The following TDRKH variants were observed in gnomAD, a reference collection of about 807,000 sequenced individuals.
TDRKH encodes tudor and KH domain containing.
TDRKH carries 28 observed loss-of-function variants against 61.3 expected under a neutral mutation model. The observed-to-expected ratio is 0.46, with a 90% CI of 0.34 to 0.63. TDRKH has a LOEUF of 0.63. Ranked by LOEUF, TDRKH falls within the 20% of genes least tolerant of loss-of-function variation. The pLI is 0.01. For synonymous variants in TDRKH, 219 were observed against 244.4 expected (o/e 0.90, Z 0.97); for missense variants, 540 against 683.4 (o/e 0.79, Z 2.34).
At chr1:151,775,041 C>T in intron 11 of TDRKH, 24 bp downstream of exon 11, 2 of 1,610,994 alleles carry the variant, frequency 1.2e-6, no homozygotes, top group Non-Finnish European at 1.7e-6. Flanking sequence ...GGAAGCAGCA[C>T]CCTATATAAC....
downstream of TDRKH, among the ~76,000 whole-genome samples, chr1:151,768,970 T>C (rs9726736): frequency 6.6e-6 from 1 of 152,046 alleles, no homozygotes; most frequent in Admixed American, 6.5e-5. Context: ...TCAGAGAGCA[T>C]GGGGTTGGGG....
chr1:151,789,714 G>A (rs1350985305), intron 1 of TDRKH, among the ~76,000 whole-genome samples: 2 of 152,188 alleles, frequency 1.3e-5, no homozygotes, highest in South Asian at 4.1e-4. Flanking sequence ...TGAAAGCATA[G>A]ATAACTCATT....
intron 7 of TDRKH, 50 bp from the exon 8 acceptor site, chr1:151,776,318 C>T: frequency 6.2e-7 from 1 of 1,600,134 alleles, no homozygotes; most frequent in African/African-American, 1.3e-5. Flanking sequence ...GTGGTAGGCT[C>T]ATAAACAGAA....
At position 151,775,690 on chromosome 1, in the gene TDRKH, G is replaced by C. The variant is rs148328641; in HGVS notation, c.1282+130C>G. The C allele has an allele frequency of 3.4e-6, 5 of 1,482,798 alleles. No individual in the cohort carries two copies. In the African/African-American group the frequency reaches 4.2e-5, roughly 12 times the overall value. The allele number at this position is 1,482,798 out of a possible 1,614,324, so 91.9% of individuals were successfully genotyped here. A position where few individuals can be genotyped will look rare whatever the true frequency, so the allele number is the denominator to read the frequency against. On this transcript the variant is annotated intron_variant, in intron 9 of 12. Transcript: ENST00000368824. ...CCAGGCAAGTTTCTGGCTGCTGCTA[G>C]TGCTGGTGAGGAAAAGGCACCTGAG...
chr1:151,766,725 C>T (rs1648370667), downstream of TDRKH: 3 of 1,552,040 alleles, frequency 1.9e-6, no homozygotes, highest in Middle Eastern at 1.7e-4. Context: ...TGAAAAACTG[C>T]CTTGTAAGAG....
At chr1:151,772,412 G>A (rs1648764298), downstream of TDRKH, among the ~76,000 whole-genome samples, 1 of 152,072 alleles carries the variant, frequency 6.6e-6, no homozygotes, top group African/African-American at 2.4e-5. Flanking sequence ...ATTTTTCTGA[G>A]AAAATAAATT....
At chr1:151,788,467 C>A (rs537094754) in intron 1 of TDRKH, among the ~76,000 whole-genome samples, 1 of 152,014 alleles carries the variant, frequency 6.6e-6, no homozygotes, top group Non-Finnish European at 1.5e-5. Flanking sequence ...GCCCTGTGAA[C>A]AAGAATAAAC....
chr1:151,775,768 A>AT, intron 9 of TDRKH, 52 bp downstream of exon 9: 1 of 1,586,674 alleles, frequency 6.3e-7, no homozygotes, highest in Non-Finnish European at 8.6e-7. Flanking sequence ...AATGAACTGT[A>AT]TGAAGTTATT....
chr1:151,774,662 GAA>G (rs753527466), intron 12 of TDRKH, 46 bp downstream of exon 12: 1 of 1,606,812 alleles, frequency 6.2e-7, no homozygotes, highest in Admixed American at 1.7e-5. Flanking sequence ...GACTGAATGA[GAA>G]AAGTTAATCT....
chr1:151,768,035 G>T, downstream of TDRKH: 1 of 1,613,516 alleles, frequency 6.2e-7, no homozygotes, highest in Non-Finnish European at 8.5e-7. Context: ...AAGACTAGAG[G>T]AGCATTTTTA....
downstream of TDRKH, chr1:151,768,365 T>G: frequency 4.5e-6 from 6 of 1,340,880 alleles, no homozygotes; most frequent in Non-Finnish European, 6.0e-6. Context: ...CAGACAAGCC[T>G]GTGAGCTGAG....
chr1:151,767,457 C>T (rs1381600422), downstream of TDRKH: 2 of 1,376,274 alleles, frequency 1.5e-6, no homozygotes, highest in East Asian at 2.5e-5. Flanking sequence ...AGCATTCTGG[C>T]CCACAGACTG....
chr1:151,774,395 G>T lies in TDRKH; in HGVS notation c.*57C>A. On this transcript the variant is annotated 3_prime_UTR_variant, in exon 13 of 13. Transcript: ENST00000368824. ...CATTACTTTCCTGTTGCTACAGATA[G>T]ATGATAGCTGCACTCACACAGCAAA... 1 of 1,585,034 alleles carries T rather than the reference G, an allele frequency of 6.3e-7. No individual in the cohort carries two copies. The highest frequency in any genetic ancestry group is 1.4e-5 in the African/African-American group (1 of 74,058).
downstream of TDRKH, among the ~76,000 whole-genome samples, chr1:151,772,160 AT>A (rs1648740730): frequency 1.3e-5 from 2 of 152,164 alleles, no homozygotes; most frequent in South Asian, 4.2e-4. Flanking sequence ...GAGTGGTGCA[AT>A]CTTGGCTCAC....
At chr1:151,775,673 G>C in intron 9 of TDRKH, 130 bp from the exon 10 acceptor site, 1 of 1,487,920 alleles carries the variant, frequency 6.7e-7, no homozygotes. Flanking sequence ...TGCCAGGCAA[G>C]TTTCTGGCTG....
intron 11 of TDRKH, 40 bp from the exon 12 acceptor site, chr1:151,774,846 G>A: frequency 6.2e-7 from 1 of 1,604,272 alleles, no homozygotes; most frequent in Admixed American, 1.7e-5. Flanking sequence ...GAACATGTTG[G>A]CTTTTAGGAA....
chr1:151,769,980 G>T (rs924822934), downstream of TDRKH: 6 of 820,448 alleles, frequency 7.3e-6, no homozygotes, highest in African/African-American at 1.1e-4. Context: ...GCTGAGGCAG[G>T]AGAATCAGGC....
At chr1:151,770,129 A>C, downstream of TDRKH, 1 of 1,606,544 alleles carries the variant, frequency 6.2e-7, no homozygotes. Context: ...GGAGAGGGAG[A>C]GGGAGCGGCC....
At chr1:151,785,093 G>A (rs1000205346) in intron 1 of TDRKH, among the ~76,000 whole-genome samples, 2 of 151,864 alleles carry the variant, frequency 1.3e-5, no homozygotes, top group East Asian at 3.8e-4. Context: ...CACCATGCCC[G>A]GCTAATTTTT....
Sources: gnomAD v4.1 joint callset for allele counts (sites outside exome capture counted in the v4.1 genomes callset) on GRCh38, gnomAD v4.1.1 for gene constraint, MANE v1.5 for transcripts, NCBI Gene and HGNC (gene_info 2026-07-23, HGNC 2026-07-21) for gene names.